The following ALPL variants were observed in gnomAD, a reference collection of about 807,000 sequenced individuals.
The protein encoded by ALPL is alkaline phosphatase, biomineralization associated, also known as alkaline phosphatase, tissue-nonspecific isozyme.
A neutral mutation model predicts 51.3 loss-of-function variants in ALPL; 42 were observed. The ratio of observed to expected loss-of-function variants is 0.82; its 90% CI spans 0.64 to 1.06. The LOEUF is 1.06. Ranked by LOEUF, ALPL falls within the 50% of genes least tolerant of loss-of-function variation. The pLI, the probability that ALPL is intolerant of heterozygous loss-of-function variation, is 0.00. For synonymous variants in ALPL, 279 were observed against 296.4 expected, an observed-to-expected ratio of 0.94 and a Z score of 0.60; for missense variants, 589 against 709.4, an observed-to-expected ratio of 0.83 and a Z score of 1.93.
Position 21,554,803 on chromosome 1 carries a change from G to GTCTT in ALPL, c.61+664_61+665insTTCT, listed in dbSNP as rs1410585805. On this transcript the variant is annotated intron_variant, in intron 2 of 11. Coordinates refer to ENST00000374840, the MANE Select transcript of ALPL (RefSeq NM_000478.6). ...CCGCGCCTGGCCTGTCTGTCTGTCT[G>GTCTT]TCTGTCTGTCTGTCTTTCTTTCTTT... Among the ~76,000 whole-genome samples, 157 of 42,740 alleles carry GTCTT rather than the reference G, an allele frequency of 3.7e-3. 1 individual carries two copies. The highest frequency in any genetic ancestry group is 8.3e-3 in the East Asian group (12 of 1,442). The allele number at this position is 42,740 out of a possible 152,430, so 28.0% of individuals were successfully genotyped here. A position where few individuals can be genotyped will look rare whatever the true frequency, so the allele number is the denominator to read the frequency against.
chr1:21,558,611 T>C (rs2148146921), intron 2 of ALPL, among the ~76,000 whole-genome samples: 1 of 152,296 alleles, frequency 6.6e-6, no homozygotes, highest in East Asian at 1.9e-4. Context: ...GCCAAGGTGC[T>C]CCCAATTCCC....
At chr1:21,514,131 A>G (rs1036709541) in intron 1 of ALPL, among the ~76,000 whole-genome samples, 8 of 152,214 alleles carry the variant, frequency 5.3e-5, no homozygotes, top group African/African-American at 1.9e-4. Flanking sequence ...CATGTCAGCT[A>G]GGCGAAGGAG....
At chr1:21,514,240 C>T (rs1643748822) in intron 1 of ALPL, among the ~76,000 whole-genome samples, 1 of 152,066 alleles carries the variant, frequency 6.6e-6, no homozygotes, top group African/African-American at 2.4e-5. Flanking sequence ...GAGTTGAGCC[C>T]AGGGTCTAGC....
chr1:21,537,841 T>G (rs1445088734), intron 1 of ALPL, among the ~76,000 whole-genome samples: 1 of 152,230 alleles, frequency 6.6e-6, no homozygotes, highest in African/African-American at 2.4e-5. Flanking sequence ...GCTGATCATT[T>G]GCACTTCACT....
chr1:21,510,362 A>G (rs1290950965), intron 1 of ALPL, among the ~76,000 whole-genome samples: 1 of 152,084 alleles, frequency 6.6e-6, no homozygotes, highest in Non-Finnish European at 1.5e-5. Flanking sequence ...CTCTGGGTGG[A>G]GGGTGAAATT....
At chr1:21,576,271 G>GGATGGATGGATGA in intron 10 of ALPL, among the ~76,000 whole-genome samples, 1 of 21,994 alleles carries the variant, frequency 4.5e-5, no homozygotes, top group Admixed American at 5.1e-4. Flanking sequence ...GGATGGATGG[G>GGATGGATGGATGA]TGGATGGATG....
chr1:21,545,305 T>TTTTTGTTTTTG (rs1302045289), intron 1 of ALPL, among the ~76,000 whole-genome samples: 30 of 151,868 alleles, frequency 2.0e-4, no homozygotes, highest in Admixed American at 1.7e-3. Context: ...TTTTGTTTTT[T>TTTTTGTTTTTG]TTTAAGACAG....
intron 1 of ALPL, among the ~76,000 whole-genome samples, chr1:21,552,116 CCCTTTCCT>C (rs772515568): frequency 0.044 from 104 of 2,370 alleles, 2 homozygotes; most frequent in Non-Finnish European, 0.066. Flanking sequence ...TCCTCCCCTT[CCCTTTCCT>C]CCCTCCCCTC....
In ALPL at chr1:21,570,432, C is replaced by T. The variant is rs2275375; in HGVS notation, c.862+58C>T. On this transcript the variant is annotated intron_variant, in intron 8 of 11. Coordinates refer to ENST00000374840, the MANE Select transcript of ALPL (RefSeq NM_000478.6). Reference sequence around the variant, plus strand: ...GCTCGGAGCCTGGTGGCCGGAGCTGCGTGTGGCCAGCACCTGGGGACAAGG... The same window carrying T: ...GCTCGGAGCCTGGTGGCCGGAGCTGTGTGTGGCCAGCACCTGGGGACAAGG... 0.23 allele frequency: 360,462 copies of T among 1,561,994 alleles called. 45,066 individuals carry two copies. The highest frequency in any genetic ancestry group is 0.54 in the East Asian group (23,977 of 44,428).
chr1:21,526,174 C>G (rs544424572), intron 1 of ALPL, among the ~76,000 whole-genome samples: 4 of 152,046 alleles, frequency 2.6e-5, no homozygotes, highest in Non-Finnish European at 5.9e-5. Flanking sequence ...GATGGAGTCT[C>G]TGTCTCCCAG....
chr1:21,565,955 A>G (rs1346205481), intron 6 of ALPL, among the ~76,000 whole-genome samples: 2 of 152,140 alleles, frequency 1.3e-5, no homozygotes, highest in Non-Finnish European at 1.5e-5. Context: ...GCTGGAAACG[A>G]TGAGGCTCCC....
At chr1:21,558,481 T>C (rs561840168) in intron 2 of ALPL, among the ~76,000 whole-genome samples, 7 of 152,346 alleles carry the variant, frequency 4.6e-5, no homozygotes, top group African/African-American at 1.7e-4. Flanking sequence ...GGAAAACCTC[T>C]GGCCCCGGCC....
At chr1:21,528,240 G>A (rs537433977) in intron 1 of ALPL, among the ~76,000 whole-genome samples, 6 of 151,676 alleles carry the variant, frequency 4.0e-5, no homozygotes, top group Admixed American at 6.6e-5. Flanking sequence ...GGCTGGTCTC[G>A]AACTCCTGGG....
rs867894797 is a variant in ALPL at position 21,509,900 on chromosome 1, G to A, written c.-105+383G>A. Among the ~76,000 whole-genome samples the A allele has an allele frequency of 2.1e-4, 32 of 152,316 alleles. No individual in the cohort carries two copies. In the Middle Eastern group the frequency reaches 0.01, roughly 49 times the overall value. ...GTGCCCCGTGACTGAGCCCCTCCTG[G>A]TGCCTCCTTAGCCGTAGCTCTAGAG... On this transcript the variant is annotated intron_variant, in intron 1 of 11. Transcript: ENST00000374840. The surrounding 1 kb of genome is among the most constrained non-coding windows in gnomAD (Gnocchi z 6.0).
intron 1 of ALPL, among the ~76,000 whole-genome samples, chr1:21,539,052 A>T (rs1178441810): frequency 6.6e-6 from 1 of 152,242 alleles, no homozygotes; most frequent in Non-Finnish European, 1.5e-5. Flanking sequence ...CTTCATCTGC[A>T]AAAGTATAAT....
intron 6 of ALPL, among the ~76,000 whole-genome samples, chr1:21,567,050 T>C (rs1644575341): frequency 6.6e-6 from 1 of 152,176 alleles, no homozygotes; most frequent in East Asian, 1.9e-4. Context: ...TGGGGCACCT[T>C]TCCCACCTCT....
At position 21,577,948 on chromosome 1, in the gene ALPL, T is replaced by C. The variant is rs1243704838; in HGVS notation, c.*300T>C. Reference sequence around the variant, plus strand: ...AGACATTCTCAAAGCCTCTTATTTTTCTAGCGAACGTATTTCTCCAGACCC... The same window carrying C: ...AGACATTCTCAAAGCCTCTTATTTTCCTAGCGAACGTATTTCTCCAGACCC... On this transcript the variant is annotated 3_prime_UTR_variant, in exon 12 of 12. Coordinates refer to ENST00000374840, the MANE Select transcript of ALPL (RefSeq NM_000478.6). 2 of 533,938 alleles carry C rather than the reference T, an allele frequency of 3.7e-6. No homozygotes were observed. Among genetic ancestry groups the C allele is most frequent in the Non-Finnish European group, 6.7e-6 (2 of 299,978 alleles). The allele number at this position is 533,938 out of a possible 1,614,324, so 33.1% of individuals were successfully genotyped here.
At chr1:21,535,743 C>T (rs910365203) in intron 1 of ALPL, among the ~76,000 whole-genome samples, 3 of 152,202 alleles carry the variant, frequency 2.0e-5, no homozygotes, top group Non-Finnish European at 4.4e-5. Flanking sequence ...TTTTAAACCA[C>T]TCTGACTGCT....
rs369690542 is a variant in ALPL at position 21,554,788 on chromosome 1, CCTGTCTGTCTGTCTGTCTGT to C, written c.61+657_61+676del. 9.1e-4 allele frequency among the ~76,000 whole-genome samples: 104 copies of C among 114,620 alleles called. 5 individuals are homozygous for C. Among genetic ancestry groups the C allele is most frequent in the South Asian group, 5.3e-3 (17 of 3,236 alleles). The allele number at this position is 114,620 out of a possible 152,430, so 75.2% of individuals were successfully genotyped here. ...TACAGGCGTGAGCCACCGCGCCTGGCCTGTCTGTCTGTCTGTCTGTCTGTCTGTCTTTCTTTCTTTCTTTC... is the reference window on the plus strand; with the variant it reads ...TACAGGCGTGAGCCACCGCGCCTGGCCTGTCTGTCTTTCTTTCTTTCTTTC... On this transcript the variant is annotated intron_variant, in intron 2 of 11. Coordinates refer to ENST00000374840, the MANE Select transcript of ALPL (RefSeq NM_000478.6).
Sources: gnomAD v4.1 joint callset for allele counts (sites outside exome capture counted in the v4.1 genomes callset) on GRCh38, gnomAD v4.1.1 for gene constraint, Gnocchi (gnomAD v3.1) non-coding constraint, MANE v1.5 for transcripts, NCBI Gene and HGNC (gene_info 2026-07-23, HGNC 2026-07-21) for gene names.